MTMR7: variants seen among roughly 807,000 people sequenced by gnomAD.
MTMR7 encodes the protein myotubularin related protein 7.
A neutral mutation model predicts 81.2 loss-of-function variants in MTMR7; 76 were observed. The observed-to-expected ratio is 0.94, with a 90% CI of 0.78 to 1.13. The LOEUF (loss-of-function observed/expected upper bound fraction) is 1.13. Ranked by LOEUF, MTMR7 falls within the 50% of genes most tolerant of loss-of-function variation. The pLI, the probability that MTMR7 is intolerant of heterozygous loss-of-function variation, is 0.00. For missense variants in MTMR7, 1,044 were observed against 820.0 expected, an observed-to-expected ratio of 1.27 and a Z score of -3.34; for synonymous variants, 372 against 289.8, an observed-to-expected ratio of 1.28 and a Z score of -2.88.
intron 1 of MTMR7, among the ~76,000 whole-genome samples, chr8:17,391,383 G>T (rs1390506114): frequency 6.6e-6 from 1 of 152,082 alleles, no homozygotes. Context: ...TTAAAGAACT[G>T]CAATATTATT....
At chr8:17,384,960 T>C (rs917295357) in intron 1 of MTMR7, among the ~76,000 whole-genome samples, 1 of 152,192 alleles carries the variant, frequency 6.6e-6, no homozygotes, top group Non-Finnish European at 1.5e-5. Flanking sequence ...ACAGAGACTC[T>C]ACCTTTCACG....
intron 3 of MTMR7, among the ~76,000 whole-genome samples, chr8:17,370,052 C>T (rs552737699): frequency 1.3e-5 from 2 of 151,734 alleles, no homozygotes; most frequent in African/African-American, 4.8e-5. Context: ...CCGAAGAGCC[C>T]AAGATGACGG....
chr8:17,397,018 G>A (rs986695463), intron 1 of MTMR7, among the ~76,000 whole-genome samples: 5 of 151,828 alleles, frequency 3.3e-5, no homozygotes, highest in South Asian at 2.1e-4. Context: ...CAGTCCTAGC[G>A]GCATTCATCA....
chr8:17,302,035 T>A (rs1043406766), intron 13 of MTMR7, 119 bp downstream of exon 13: 2 of 1,348,896 alleles, frequency 1.5e-6, no homozygotes, highest in East Asian at 4.6e-5. Flanking sequence ...GTTTCAGGTG[T>A]TCTACTGACT....
chr8:17,405,815 G>T (rs1821561361), intron 1 of MTMR7, among the ~76,000 whole-genome samples: 1 of 143,422 alleles, frequency 7.0e-6, no homozygotes, highest in African/African-American at 2.5e-5. Context: ...TAAAAAACAG[G>T]TTCTCATTCC....
intron 7 of MTMR7, among the ~76,000 whole-genome samples, chr8:17,324,447 T>A (rs1818566582): frequency 6.6e-6 from 1 of 152,222 alleles, no homozygotes; most frequent in African/African-American, 2.4e-5. Flanking sequence ...AGTAAATAAC[T>A]GAGCTGGAAT....
At chr8:17,361,526 C>A (rs1397487328) in intron 3 of MTMR7, among the ~76,000 whole-genome samples, 1 of 152,186 alleles carries the variant, frequency 6.6e-6, no homozygotes, top group Non-Finnish European at 1.5e-5. Context: ...AGGGACATCT[C>A]CATTTTGTGC....
At chr8:17,407,975 G>A (rs571452028) in intron 1 of MTMR7, among the ~76,000 whole-genome samples, 26 of 152,270 alleles carry the variant, frequency 1.7e-4, no homozygotes, top group Admixed American at 1.5e-3. Flanking sequence ...TGCCCACGGT[G>A]AAAACAGAAT....
At chr8:17,343,164 C>T (rs1294039976) in intron 5 of MTMR7, among the ~76,000 whole-genome samples, 4 of 152,096 alleles carry the variant, frequency 2.6e-5, no homozygotes, top group East Asian at 1.9e-4. Context: ...TGGTGGCTCA[C>T]GCCTGTAATC....
At position 17,341,390 on chromosome 8, in the gene MTMR7, G is replaced by T; in HGVS notation, c.705C>A (p.Phe235Leu). 1 of 1,614,186 alleles carries T rather than the reference G, an allele frequency of 6.2e-7. No individual in the cohort carries two copies. The highest frequency in any genetic ancestry group is 8.5e-7 in the Non-Finnish European group (1 of 1,180,018). Residue 235 changes from phenylalanine (F) to leucine (L), a missense_variant, in exon 6 of 14, where the codon TTC becomes TTA. Coordinates refer to ENST00000180173, the MANE Select transcript of MTMR7 (RefSeq NM_004686.5). ...TAGGCCGGGTGTCAACGACATAAAC[G>T]AAGTCACTTCCTGGATTGGCTTTCC... The part of the protein sequence containing the change: ...AIRKANPGSD[F>L]VYVVDTRPKL...
At chr8:17,406,134 CAA>C (rs1015511003) in intron 1 of MTMR7, among the ~76,000 whole-genome samples, 1 of 151,790 alleles carries the variant, frequency 6.6e-6, no homozygotes, top group Non-Finnish European at 1.5e-5. Context: ...GCACAAGTGA[CAA>C]AAGAAAAAAT....
chr8:17,297,614 T>A lies in MTMR7; in HGVS notation c.*2248A>T, dbSNP rs1167246302. 2 of 152,064 alleles carry A rather than the reference T, an allele frequency of 1.3e-5. No individual in the cohort carries two copies. Among genetic ancestry groups the A allele is most frequent in the Non-Finnish European group, 2.9e-5 (2 of 67,934 alleles). 9.4% of individuals were successfully genotyped at this position (152,064 alleles called of 1,614,324 possible). ...TACTTGCATTCTATATATTACTAATTGGGAAGTAATATGCCTCAAATCAGT... is the reference window on the plus strand; with the variant it reads ...TACTTGCATTCTATATATTACTAATAGGGAAGTAATATGCCTCAAATCAGT... On this transcript the variant is annotated 3_prime_UTR_variant, in exon 14 of 14. Transcript: ENST00000180173.
rs764318759 is a variant in MTMR7, at chr8:17,298,314, A to G, written c.*1548T>C. 2 of 152,104 alleles carry G rather than the reference A, an allele frequency of 1.3e-5. No individual in the cohort carries two copies. Among genetic ancestry groups the G allele is most frequent in the African/African-American group, 4.8e-5 (2 of 41,448 alleles). 9.4% of individuals were successfully genotyped at this position (152,104 alleles called of 1,614,324 possible). On this transcript the variant is annotated 3_prime_UTR_variant, in exon 14 of 14. Transcript: ENST00000180173. Reference sequence around the variant, plus strand: ...GGAACTGCTCAGCAGAGAATGCCCAAATTTTATATTCTGAAAGAATTAATT... The same window carrying G: ...GGAACTGCTCAGCAGAGAATGCCCAGATTTTATATTCTGAAAGAATTAATT...
rs1029954026 is a variant in MTMR7, at chr8:17,384,844, A to T, written c.25-11604T>A. ...AGGAGTATTTAATCTTTCTACAGCT[A>T]AAAAACCATTGAAAGTCTTTTCCCA... is the stretch of plus-strand genomic sequence containing the variant. On this transcript the variant is annotated intron_variant, in intron 1 of 13. Coordinates refer to ENST00000180173, the MANE Select transcript of MTMR7 (RefSeq NM_004686.5). Among the ~76,000 whole-genome samples the T allele has an allele frequency of 7.8e-4, 119 of 152,366 alleles. 1 individual carries two copies. Among genetic ancestry groups the T allele is most frequent in the African/African-American group, 2.7e-3 (113 of 41,592 alleles).
intron 9 of MTMR7, among the ~76,000 whole-genome samples, chr8:17,310,999 C>T (rs1817751151): frequency 1.3e-5 from 2 of 152,114 alleles, no homozygotes; most frequent in African/African-American, 4.8e-5. Flanking sequence ...GTCATTTCAG[C>T]AAAGAACAAC....
chr8:17,381,921 C>T (rs1294649292), intron 1 of MTMR7, among the ~76,000 whole-genome samples: 1 of 152,172 alleles, frequency 6.6e-6, no homozygotes, highest in Non-Finnish European at 1.5e-5. Context: ...TGGGAGCAGG[C>T]AGTTTAGACA....
chr8:17,345,043 C>T (rs1364830623), intron 5 of MTMR7, among the ~76,000 whole-genome samples: 1 of 152,142 alleles, frequency 6.6e-6, no homozygotes, highest in Non-Finnish European at 1.5e-5. Flanking sequence ...GCACAGAATT[C>T]CGAACGCACA....
intron 4 of MTMR7, among the ~76,000 whole-genome samples, chr8:17,353,166 A>T (rs372888490): frequency 3.9e-5 from 6 of 152,360 alleles, no homozygotes; most frequent in East Asian, 1.9e-4. Context: ...CCTTGAGGAC[A>T]TTAAATGACA....
At chr8:17,307,996 CCTG>C (rs1817570262) in intron 10 of MTMR7, among the ~76,000 whole-genome samples, 1 of 151,780 alleles carries the variant, frequency 6.6e-6, no homozygotes, top group Admixed American at 6.6e-5. Context: ...ATGTAACAAA[CCTG>C]CACGTTGTGC....
Sources: gnomAD v4.1 joint callset for allele counts (sites outside exome capture counted in the v4.1 genomes callset) on GRCh38, gnomAD v4.1.1 for gene constraint, MANE v1.5 for transcripts, NCBI Gene and HGNC (gene_info 2026-07-23, HGNC 2026-07-21) for gene names.